Variants in COX15 observed in about 807,000 individuals in gnomAD.
The protein encoded by COX15 is cytochrome c oxidase assembly factor COX15, also known as heme A synthase COX15.
Under a neutral mutation model 51.9 loss-of-function variants are expected in COX15, and 51 were observed. The ratio of observed to expected loss-of-function variants is 0.98; its 90% CI spans 0.78 to 1.24. The LOEUF (loss-of-function observed/expected upper bound fraction) is 1.24, where lower values mean the gene tolerates loss of function less well. COX15 is among the 50% of genes most tolerant of loss of function. COX15 has a pLI of 0.00. For missense variants in COX15, 420 were observed against 501.1 expected (o/e 0.84, Z 1.55); for synonymous variants, 188 against 190.5 (o/e 0.99, Z 0.11).
Position 99,727,022 on chromosome 10 carries a change from G to A in COX15, c.528C>T (p.Leu176=), listed in dbSNP as rs752393612. The change falls in exon 4 of 9, where the codon CTC becomes CTT. Residue 176 remains leucine, a synonymous_variant. Transcript: ENST00000016171. ...PAAYFWRKGW[L]SRGMKGRVLA... ...GAACACGTCCTTTCATGCCACGGCT[G>A]AGCCAGCCCTTTCTCCAAAAGTAGG... The A allele has an allele frequency of 1.9e-6, 3 of 1,614,036 alleles. No individual in the cohort carries two copies. Among genetic ancestry groups the A allele is most frequent in the Admixed American group, 3.3e-5 (2 of 60,000 alleles).
At chr10:99,710,742 A>C (rs2036355692), downstream of COX15, 5 of 985,386 alleles carry the variant, frequency 5.1e-6, no homozygotes, top group Middle Eastern at 5.2e-4. Flanking sequence ...GTTATCCTAA[A>C]ATCATGATTA....
chr10:99,706,807 G>A (rs1486095089), downstream of COX15, among the ~76,000 whole-genome samples: 3 of 152,090 alleles, frequency 2.0e-5, no homozygotes, highest in Non-Finnish European at 2.9e-5. Flanking sequence ...CTCAGGTAAC[G>A]TTTTCTTTTG....
the COX15 span, among the ~76,000 whole-genome samples, chr10:99,702,048 C>CA: frequency 2.2e-4 from 32 of 146,506 alleles, no homozygotes; most frequent in African/African-American, 7.3e-4. Flanking sequence ...GACTCTGTCT[C>CA]AAAAAAAAAC....
chr10:99,718,866 C>T (rs1023420875), intron 6 of COX15, among the ~76,000 whole-genome samples: 2 of 152,184 alleles, frequency 1.3e-5, no homozygotes, highest in Non-Finnish European at 2.9e-5. Flanking sequence ...AATGCTCTCC[C>T]ACAGATGTCT....
chr10:99,708,604 T>G (rs947299904), downstream of COX15: 1 of 155,434 alleles, frequency 6.4e-6, no homozygotes, highest in Non-Finnish European at 1.4e-5. Flanking sequence ...AAGAGCATTT[T>G]GTCCTTTGGT....
At chr10:99,705,538 T>C in the COX15 span, 1 of 152,206 alleles carries the variant, frequency 6.6e-6, no homozygotes, top group Non-Finnish European at 1.5e-5. Flanking sequence ...GGGCCTGTTT[T>C]TGTGAGCCCT....
intron 5 of COX15, among the ~76,000 whole-genome samples, 198 bp from the exon 6 acceptor site, chr10:99,721,266 T>C (rs1176620074): frequency 6.6e-6 from 1 of 152,234 alleles, no homozygotes; most frequent in East Asian, 1.9e-4. Context: ...CTATCTGTTT[T>C]CCCTTCTACC....
intron 4 of COX15, among the ~76,000 whole-genome samples, chr10:99,725,998 T>C (rs2036937919): frequency 6.6e-6 from 1 of 152,220 alleles, no homozygotes; most frequent in Admixed American, 6.5e-5. Flanking sequence ...CTATGTGTCT[T>C]CTCTTTTAAT....
chr10:99,711,296 G>A lies in COX15; in HGVS notation c.*3291C>T. On this transcript the variant is annotated 3_prime_UTR_variant, in exon 9 of 9. Coordinates refer to ENST00000016171, the MANE Select transcript of COX15 (RefSeq NM_078470.6). The stretch of plus-strand genomic sequence containing the variant: ...GCAACTGTAGAAGCATTAATATATG[G>A]TTCTTTGGGTTGGGTCATACTGCCC... 1.0e-6 allele frequency: 1 copy of A among 985,370 alleles called. No homozygotes were observed. Among genetic ancestry groups the A allele is most frequent in the African/African-American group, 1.7e-5 (1 of 57,356 alleles). The allele number at this position is 985,370 out of a possible 1,614,324, so 61.0% of individuals were successfully genotyped here. A position where few individuals can be genotyped will look rare whatever the true frequency, so the allele number is the denominator to read the frequency against.
At chr10:99,707,573 C>A (rs190639340), downstream of COX15, among the ~76,000 whole-genome samples, 2 of 152,140 alleles carry the variant, frequency 1.3e-5, no homozygotes, top group Non-Finnish European at 2.9e-5. Context: ...TCATAAAATT[C>A]ACATTCCACT....
chr10:99,720,925 G>C (rs2036742132), intron 6 of COX15, 62 bp downstream of exon 6: 2 of 1,322,090 alleles, frequency 1.5e-6, no homozygotes, highest in African/African-American at 1.4e-5. Context: ...CAAAGCATTA[G>C]GCAAGAGGTC....
At position 99,716,350 on chromosome 10, in the gene COX15, G is replaced by A. The variant is rs771428848; in HGVS notation, c.1099C>T (p.Gln367Ter). Reference protein sequence around the residue: ...AVTLLALAYTQVGLGISTLLM... With the variant: ...AVTLLALAYT ...GAACAAAAAGAAGTGGTTTATACCT[G>A]TGTATACGCCAAAGCCAGCAGAGTC... is the stretch of plus-strand genomic sequence containing the variant. Residue 367 changes from glutamine to a stop codon, truncating the protein, a stop_gained and splice_region_variant, in exon 8 of 9, where the codon CAG becomes TAG. Transcript: ENST00000016171. LOFTEE classifies it high-confidence loss of function. The A allele has an allele frequency of 1.2e-6, 2 of 1,604,432 alleles. No individual in the cohort carries two copies. The highest frequency in any genetic ancestry group is 2.2e-5 in the East Asian group (1 of 44,812).
At chr10:99,696,240 A>C in the COX15 span, 51 of 1,232,516 alleles carry the variant, frequency 4.1e-5, no homozygotes, top group Admixed American at 2.5e-5. Flanking sequence ...CTTTCTGACT[A>C]CCCCTGCCAA....
At chr10:99,708,430 T>C (rs1254431688), downstream of COX15, among the ~76,000 whole-genome samples, 3 of 152,190 alleles carry the variant, frequency 2.0e-5, no homozygotes, top group African/African-American at 7.2e-5. Context: ...GCTTAACGAA[T>C]AGCAGACCTG....
At chr10:99,709,217 G>A, downstream of COX15, 1 of 985,304 alleles carries the variant, frequency 1.0e-6, no homozygotes, top group South Asian at 4.7e-5. Context: ...TAATTCTTGG[G>A]CAGTTTCCAG....
Position 99,713,570 on chromosome 10 carries a change from G to A in COX15, c.*1017C>T. ...AGATGTCCATGCACTACACCATCAA[G>A]GCCATATTTTTCTTATTACAAAGCT... On this transcript the variant is annotated 3_prime_UTR_variant, in exon 9 of 9. Coordinates refer to ENST00000016171, the MANE Select transcript of COX15 (RefSeq NM_078470.6). 6.5e-7 allele frequency: 1 copy of A among 1,535,368 alleles called. No homozygotes were observed. Among genetic ancestry groups the A allele is most frequent in the South Asian group, 1.2e-5 (1 of 84,398 alleles).
At chr10:99,701,681 A>C in the COX15 span, among the ~76,000 whole-genome samples, 1 of 152,144 alleles carries the variant, frequency 6.6e-6, no homozygotes, top group South Asian at 2.1e-4. Context: ...TGTAACTATC[A>C]CACAGCTTCA....
intron 8 of COX15, among the ~76,000 whole-genome samples, chr10:99,715,421 G>A (rs2036536794): frequency 6.6e-6 from 1 of 152,206 alleles, no homozygotes; most frequent in South Asian, 2.1e-4. Flanking sequence ...TTACAGGCGT[G>A]AGCCACTGTG....
chr10:99,697,398 A>G, the COX15 span: 131,342 of 156,002 alleles, frequency 0.84, 55,578 homozygotes, highest in Middle Eastern at 0.93. Context: ...TTCCTTTTCC[A>G]TTTTCTTCTT....
Sources: allele counts gnomAD v4.1 joint callset (sites outside exome capture counted in the v4.1 genomes callset), GRCh38; gene constraint gnomAD v4.1.1; transcripts MANE v1.5; gene names NCBI Gene and HGNC (gene_info 2026-07-23, HGNC 2026-07-21).